Variants in GPC6 observed in about 807,000 individuals in gnomAD.
The protein encoded by GPC6 is glypican-6.
GPC6 carries 14 observed loss-of-function variants against 55.2 expected under a neutral mutation model. That is an observed-to-expected ratio of 0.25 (90% confidence interval 0.17 to 0.40). The LOEUF (loss-of-function observed/expected upper bound fraction) is 0.40, where lower values mean the gene tolerates loss of function less well. Among genes scored for constraint, GPC6 ranks in the 10% least tolerant of loss-of-function variants. GPC6 has a pLI of 1.00. For synonymous variants in GPC6, 278 were observed against 259.6 expected (o/e 1.07, Z -0.68); for missense variants, 641 against 708.5 (o/e 0.90, Z 1.08).
chr13:93,468,874 C>G (rs1594191627), intron 1 of GPC6, among the ~76,000 whole-genome samples: 1 of 152,202 alleles, frequency 6.6e-6, no homozygotes, highest in East Asian at 1.9e-4. Flanking sequence ...ATTTAACTAC[C>G]TCAATATTTT....
At chr13:93,335,175 A>G (rs2139142075) in intron 1 of GPC6, among the ~76,000 whole-genome samples, 1 of 152,330 alleles carries the variant, frequency 6.6e-6, no homozygotes, top group South Asian at 2.1e-4. Flanking sequence ...TTAGTTCTGT[A>G]TGCAATTATC....
rs149169842 is a variant in GPC6, at chr13:93,469,224, A to T, written c.161-76039A>T. ...AATTTTGAATGAATTATTGAAATTC[A>T]ATAAAATTGTATTGTATTCAATTAT... On this transcript the variant is annotated intron_variant, in intron 1 of 8. Transcript: ENST00000377047. 5.5e-3 allele frequency among the ~76,000 whole-genome samples: 836 copies of T among 152,340 alleles called. 8 individuals carry two copies. The highest frequency in any genetic ancestry group is 0.019 in the African/African-American group (785 of 41,578).
At chr13:94,384,400 C>T (rs1359390986) in intron 7 of GPC6, among the ~76,000 whole-genome samples, 1 of 152,188 alleles carries the variant, frequency 6.6e-6, no homozygotes, top group Non-Finnish European at 1.5e-5. Flanking sequence ...GAATAAAATG[C>T]TTGGTTTTTT....
At chr13:94,056,580 G>T (rs538658022) in intron 4 of GPC6, among the ~76,000 whole-genome samples, 6 of 152,290 alleles carry the variant, frequency 3.9e-5, no homozygotes, top group Admixed American at 3.9e-4. Context: ...AGAGAATGAA[G>T]TCAGTGTCTG....
At chr13:93,894,783 A>G (rs754508802) in intron 3 of GPC6, among the ~76,000 whole-genome samples, 1 of 152,082 alleles carries the variant, frequency 6.6e-6, no homozygotes, top group Non-Finnish European at 1.5e-5. Context: ...ATTTATATTA[A>G]TGCAATAGGA....
At chr13:93,522,590 C>T (rs575063735) in intron 1 of GPC6, among the ~76,000 whole-genome samples, 9 of 151,706 alleles carry the variant, frequency 5.9e-5, no homozygotes, top group Admixed American at 4.0e-4. Flanking sequence ...ACTTATGCTC[C>T]GGTCATGCTA....
intron 2 of GPC6, among the ~76,000 whole-genome samples, chr13:93,776,700 C>T (rs147003080): frequency 3.3e-5 from 5 of 152,266 alleles, no homozygotes; most frequent in Non-Finnish European, 7.4e-5. Context: ...AGTTTGGAAA[C>T]CTCCATATAC....
intron 3 of GPC6, among the ~76,000 whole-genome samples, chr13:93,994,266 G>A (rs1441943963): frequency 6.6e-6 from 1 of 152,092 alleles, no homozygotes; most frequent in Non-Finnish European, 1.5e-5. Flanking sequence ...AAGGTTTATT[G>A]CTATACCATA....
At chr13:93,237,744 A>G (rs899924436) in intron 1 of GPC6, among the ~76,000 whole-genome samples, 2 of 151,932 alleles carry the variant, frequency 1.3e-5, no homozygotes, top group Admixed American at 6.6e-5. Flanking sequence ...ATTTTTTCAT[A>G]TGGTGAGAGA....
In GPC6 at chr13:93,946,251, G is replaced by A. The variant is rs191608336; in HGVS notation, c.712-81478G>A. ...ACAGACAACCTCAAAAACATAGGTA[G>A]TGGTAAAATGTAACAAATAATTAGG... On this transcript the variant is annotated intron_variant, in intron 3 of 8. Transcript: ENST00000377047. 9.8e-5 allele frequency among the ~76,000 whole-genome samples: 15 copies of A among 152,286 alleles called. No individual in the cohort carries two copies. The East Asian group carries it at 2.9e-3, about 29-fold the overall frequency.
At chr13:93,965,425 A>G (rs1349357445) in intron 3 of GPC6, among the ~76,000 whole-genome samples, 2 of 152,104 alleles carry the variant, frequency 1.3e-5, no homozygotes, top group South Asian at 2.1e-4. Context: ...AAATAAATAA[A>G]TAAATAACCA....
intron 1 of GPC6, among the ~76,000 whole-genome samples, chr13:93,411,732 C>T (rs766123795): frequency 1.3e-5 from 2 of 151,968 alleles, no homozygotes; most frequent in Admixed American, 6.6e-5. Context: ...CAGGTGCAGT[C>T]GCTCACTCCT....
At chr13:93,416,701 C>T (rs1876711743) in intron 1 of GPC6, among the ~76,000 whole-genome samples, 1 of 152,058 alleles carries the variant, frequency 6.6e-6, no homozygotes, top group Admixed American at 6.6e-5. Context: ...ATCAACCCTC[C>T]ACTACCCTTC....
At chr13:93,416,399 G>T (rs1240242487) in intron 1 of GPC6, among the ~76,000 whole-genome samples, 9 of 151,824 alleles carry the variant, frequency 5.9e-5, no homozygotes. Flanking sequence ...TGTAATTTTT[G>T]ATTTTCGATT....
At chr13:93,411,294 C>A (rs1200956511) in intron 1 of GPC6, among the ~76,000 whole-genome samples, 1 of 152,138 alleles carries the variant, frequency 6.6e-6, no homozygotes. Flanking sequence ...CACTGTCAAG[C>A]CAATGTGCCA....
chr13:94,011,417 G>T (rs1318496), intron 3 of GPC6, among the ~76,000 whole-genome samples: 6 of 151,898 alleles, frequency 4.0e-5, no homozygotes, highest in African/African-American at 1.5e-4. Flanking sequence ...CATTATTTTT[G>T]TATCAACCTT....
chr13:93,593,594 A>T (rs1877586580), intron 2 of GPC6, among the ~76,000 whole-genome samples: 3 of 152,118 alleles, frequency 2.0e-5, no homozygotes, highest in African/African-American at 7.2e-5. Flanking sequence ...ACACTAAAAT[A>T]ATTGTATTTC....
intron 2 of GPC6, among the ~76,000 whole-genome samples, chr13:93,796,149 T>C (rs559900244): frequency 6.6e-6 from 1 of 152,116 alleles, no homozygotes; most frequent in Non-Finnish European, 1.5e-5. Context: ...TATGCCATGA[T>C]TGCACCACTG....
chr13:93,969,191 A>G (rs2140392223), intron 3 of GPC6, among the ~76,000 whole-genome samples: 1 of 152,338 alleles, frequency 6.6e-6, no homozygotes, highest in Admixed American at 6.5e-5. Context: ...GTAGTTTAAA[A>G]GGGATTGATA....
Sources: gnomAD v4.1 joint callset for allele counts (sites outside exome capture counted in the v4.1 genomes callset) on GRCh38, gnomAD v4.1.1 for gene constraint, MANE v1.5 for transcripts, NCBI Gene and HGNC (gene_info 2026-07-23, HGNC 2026-07-21) for gene names.